Variants in DCP2 observed in about 807,000 individuals in gnomAD.
The protein encoded by DCP2 is m7GpppN-mRNA hydrolase.
DCP2 carries 30 observed loss-of-function variants against 56.1 expected under a neutral mutation model. The observed-to-expected ratio is 0.53, with a 90% CI of 0.40 to 0.73. DCP2 has a LOEUF of 0.73. Among genes scored for constraint, DCP2 ranks in the 30% least tolerant of loss-of-function variants. The pLI is 0.00. For synonymous variants in DCP2, 197 were observed against 163.3 expected (o/e 1.21, Z -1.57); for missense variants, 533 against 502.7 (o/e 1.06, Z -0.58).
intron 4 of DCP2, among the ~76,000 whole-genome samples, chr5:112,998,590 T>C (rs1037728122): frequency 1.3e-5 from 2 of 152,200 alleles, no homozygotes; most frequent in Non-Finnish European, 2.9e-5. Flanking sequence ...AAGTACATAG[T>C]TGAGTGAAAG....
Position 113,013,487 on chromosome 5 carries a change from G to C in DCP2, c.*3G>C. On this transcript the variant is annotated 3_prime_UTR_variant, in exon 11 of 11. Coordinates refer to ENST00000389063, the MANE Select transcript of DCP2 (RefSeq NM_152624.6). ...TAATGAAAATCTTGGACCTTTGATAGCAGCACATGTATTGTAAATGTCCCA... is the reference window on the plus strand; with the variant it reads ...TAATGAAAATCTTGGACCTTTGATACCAGCACATGTATTGTAAATGTCCCA... The C allele has an allele frequency of 6.2e-7, 1 of 1,613,874 alleles. No homozygotes were observed. Among genetic ancestry groups the C allele is most frequent in the Non-Finnish European group, 8.5e-7 (1 of 1,179,890 alleles).
intron 9 of DCP2, chr5:113,008,315 C>A: frequency 3.8e-6 from 1 of 265,660 alleles, no homozygotes; most frequent in Non-Finnish European, 7.0e-6. Flanking sequence ...TTCTCTAGAG[C>A]AATTATTTGG....
rs1208286919 is a variant in DCP2, at chr5:113,018,365, T to A, written c.*4881T>A. ...GTAATGAAATCACCAATAAAAACATTCCATTTATCTTGGATCTTCTGTGGT... is the reference window on the plus strand; with the variant it reads ...GTAATGAAATCACCAATAAAAACATACCATTTATCTTGGATCTTCTGTGGT... On this transcript the variant is annotated 3_prime_UTR_variant, in exon 11 of 11. Transcript: ENST00000389063. The A allele has an allele frequency of 6.6e-6, 1 of 152,180 alleles. No homozygotes were observed. Among genetic ancestry groups the A allele is most frequent in the African/African-American group, 2.4e-5 (1 of 41,456 alleles). 9.4% of individuals were successfully genotyped at this position (152,180 alleles called of 1,614,324 possible).
intron 1 of DCP2, among the ~76,000 whole-genome samples, chr5:112,978,330 C>T (rs188663907): frequency 7.2e-5 from 11 of 152,296 alleles, no homozygotes; most frequent in Non-Finnish European, 1.5e-4. Flanking sequence ...TTATTTAATC[C>T]TCAGTCAGCC....
In DCP2 at chr5:113,017,411, G is replaced by A. The variant is rs1475599539; in HGVS notation, c.*3927G>A. The A allele has an allele frequency of 1.3e-5, 2 of 152,150 alleles. No individual in the cohort carries two copies. Among genetic ancestry groups the A allele is most frequent in the African/African-American group, 4.8e-5 (2 of 41,442 alleles). The allele number at this position is 152,150 out of a possible 1,614,324, so 9.4% of individuals were successfully genotyped here. On this transcript the variant is annotated 3_prime_UTR_variant, in exon 11 of 11. Transcript: ENST00000389063. ...CTCCTGACAGCTTGGTAAAGTCTAG[G>A]TAGAGTTTCTGATTTTGTATTATGT...
chr5:112,977,070 C>G, intron 1 of DCP2, 84 bp downstream of exon 1: 1 of 1,073,710 alleles, frequency 9.3e-7, no homozygotes, highest in South Asian at 2.0e-5. Context: ...TCTTCTTCCC[C>G]GCCCACGTCC....
chr5:113,006,585 C>G (rs10463645), intron 8 of DCP2, among the ~76,000 whole-genome samples: 29,002 of 152,018 alleles, frequency 0.19, 2,899 homozygotes, highest in Non-Finnish European at 0.21. Context: ...GGTTATTTTT[C>G]CCTATAGGTT....
At chr5:112,978,396 G>A (rs913016737) in intron 1 of DCP2, among the ~76,000 whole-genome samples, 2 of 152,284 alleles carry the variant, frequency 1.3e-5, no homozygotes, top group Admixed American at 1.3e-4. Flanking sequence ...AACAGATTCA[G>A]GAACTTTGTA....
intron 1 of DCP2, among the ~76,000 whole-genome samples, chr5:112,979,384 T>G (rs1403790392): frequency 6.6e-6 from 1 of 152,206 alleles, no homozygotes; most frequent in East Asian, 1.9e-4. Flanking sequence ...CTTTTCATTG[T>G]AGACTAAAAC....
intron 4 of DCP2, among the ~76,000 whole-genome samples, chr5:112,999,933 C>T (rs1749063129): frequency 6.6e-6 from 1 of 151,626 alleles, no homozygotes; most frequent in Non-Finnish European, 1.5e-5. Flanking sequence ...TGGTGACAGG[C>T]AGCTGTAATC....
chr5:113,012,846 C>A (rs1490070382), intron 10 of DCP2, among the ~76,000 whole-genome samples: 1 of 151,602 alleles, frequency 6.6e-6, no homozygotes, highest in Non-Finnish European at 1.5e-5. Context: ...GTTTCACCAT[C>A]TTGGCCAGGC....
In DCP2 at chr5:113,013,829, C is replaced by G. The variant is rs1025209590; in HGVS notation, c.*345C>G. The G allele has an allele frequency of 2.6e-5, 5 of 189,328 alleles. No individual in the cohort carries two copies. Among genetic ancestry groups the G allele is most frequent in the African/African-American group, 1.2e-4 (5 of 42,662 alleles). 11.7% of individuals were successfully genotyped at this position (189,328 alleles called of 1,614,324 possible). On this transcript the variant is annotated 3_prime_UTR_variant, in exon 11 of 11. Coordinates refer to ENST00000389063, the MANE Select transcript of DCP2 (RefSeq NM_152624.6). Reference sequence around the variant, plus strand: ...AGCCAAGTTAATGGGAATGCTCCATCTACCTGTTACAGTGATTGCAATAAT... The same window carrying G: ...AGCCAAGTTAATGGGAATGCTCCATGTACCTGTTACAGTGATTGCAATAAT...
rs142449922 is a variant in DCP2 at position 113,004,052 on chromosome 5, A to C, written c.917A>C (p.Glu306Ala). The stretch of plus-strand genomic sequence containing the variant: ...CAAAAGCCATATAATAATCATTCTG[A>C]AATGTCTGACCTTTTAAAAGGAAAG... ...LQQKPYNNHS[E>A]MSDLLKGKNQ... is the part of the protein sequence containing the mutation. The change falls in exon 8 of 11, where the codon GAA becomes GCA. Residue 306 changes from glutamate to alanine, a missense_variant. Transcript: ENST00000389063. 149 of 1,613,978 alleles carry C rather than the reference A, an allele frequency of 9.2e-5. No individual in the cohort carries two copies. The highest frequency in any genetic ancestry group is 1.2e-4 in the Non-Finnish European group (145 of 1,179,988).
At position 113,018,336 on chromosome 5, in the gene DCP2, C is replaced by G. The variant is rs765361474; in HGVS notation, c.*4852C>G. On this transcript the variant is annotated 3_prime_UTR_variant, in exon 11 of 11. Transcript: ENST00000389063. ...TAATGAAATCTTTAATCTGGGTTAT[C>G]AGAGTAATGAAATCACCAATAAAAA... 2.6e-5 allele frequency: 4 copies of G among 152,158 alleles called. No homozygotes were observed. Among genetic ancestry groups the G allele is most frequent in the Non-Finnish European group, 5.9e-5 (4 of 68,026 alleles). The allele number at this position is 152,158 out of a possible 1,614,324, so 9.4% of individuals were successfully genotyped here.
chr5:113,006,834 T>G (rs1387856286), intron 8 of DCP2, among the ~76,000 whole-genome samples: 1 of 152,112 alleles, frequency 6.6e-6, no homozygotes, highest in Non-Finnish European at 1.5e-5. Context: ...TGGCCCACAT[T>G]TTAAAACATA....
chr5:112,979,957 A>G (rs968607253), intron 1 of DCP2, among the ~76,000 whole-genome samples: 4 of 152,216 alleles, frequency 2.6e-5, no homozygotes, highest in Admixed American at 1.3e-4. Flanking sequence ...CGCCAAACTG[A>G]TAACACTGGT....
At chr5:113,002,844 A>G (rs1178950526) in intron 7 of DCP2, among the ~76,000 whole-genome samples, 4 of 152,208 alleles carry the variant, frequency 2.6e-5, no homozygotes, top group Non-Finnish European at 4.4e-5. Flanking sequence ...ACTTAATTGC[A>G]TCCAAGTCAG....
At chr5:112,995,052 C>T (rs1173733280) in intron 4 of DCP2, among the ~76,000 whole-genome samples, 2 of 152,118 alleles carry the variant, frequency 1.3e-5, no homozygotes, top group African/African-American at 2.4e-5. Flanking sequence ...TTTTTACAAA[C>T]TGCTGGTGGT....
At chr5:112,977,296 T>TGCCGCC (rs781744957) in intron 1 of DCP2, among the ~76,000 whole-genome samples, 3 of 152,316 alleles carry the variant, frequency 2.0e-5, no homozygotes, top group Non-Finnish European at 2.9e-5. Context: ...CTTAGCGTTT[T>TGCCGCC]GCCGCCGCCG....
Sources: gnomAD v4.1 joint callset for allele counts (sites outside exome capture counted in the v4.1 genomes callset) on GRCh38, gnomAD v4.1.1 for gene constraint, MANE v1.5 for transcripts, NCBI Gene and HGNC (gene_info 2026-07-23, HGNC 2026-07-21) for gene names.